Variants in DGKB observed in about 807,000 individuals in gnomAD.
DGKB encodes diacylglycerol kinase beta.
In DGKB, 67 loss-of-function variants were observed where a neutral mutation model predicts 114.3. The observed-to-expected ratio is 0.59, with a 90% confidence interval of 0.48 to 0.72. The LOEUF (loss-of-function observed/expected upper bound fraction) is 0.72, where lower values mean the gene tolerates loss of function less well. Ranked by LOEUF, DGKB falls within the 30% of genes least tolerant of loss-of-function variation. The probability of loss-of-function intolerance (pLI) is 0.00; values close to 1 mark genes in which losing one functional copy is unlikely to be tolerated. For synonymous variants in DGKB, 398 were observed against 323.1 expected, an observed-to-expected ratio of 1.23 and a Z score of -2.49; for missense variants, 907 against 975.2, an observed-to-expected ratio of 0.93 and a Z score of 0.93.
At chr7:14,344,764 G>T in intron 22 of DGKB, among the ~76,000 whole-genome samples, 1 of 148,508 alleles carries the variant, frequency 6.7e-6, no homozygotes. Flanking sequence ...GTCTTTTCTT[G>T]CTATCTTTGC....
chr7:14,166,961 C>T (rs1784695989), intron 25 of DGKB, among the ~76,000 whole-genome samples: 1 of 152,036 alleles, frequency 6.6e-6, no homozygotes, highest in Non-Finnish European at 1.5e-5. Flanking sequence ...GGTAATCCTA[C>T]CACTTTGGGA....
chr7:14,229,982 C>G (rs1266170854), intron 23 of DGKB, among the ~76,000 whole-genome samples: 1 of 151,902 alleles, frequency 6.6e-6, no homozygotes, highest in Non-Finnish European at 1.5e-5. Flanking sequence ...AAAGGTAAAA[C>G]TGCTTTATAG....
chr7:14,649,473 C>G (rs970029645), intron 13 of DGKB, among the ~76,000 whole-genome samples: 3 of 151,624 alleles, frequency 2.0e-5, no homozygotes, highest in African/African-American at 7.3e-5. Flanking sequence ...CCAGGCCTGC[C>G]TTACAAGAGC....
At chr7:14,678,402 G>C (rs983439515) in intron 12 of DGKB, among the ~76,000 whole-genome samples, 1 of 152,012 alleles carries the variant, frequency 6.6e-6, no homozygotes, top group Non-Finnish European at 1.5e-5. Context: ...AACCTAACTT[G>C]TTTCCTAAGG....
chr7:14,852,918 T>C (rs1021739720), intron 1 of DGKB, among the ~76,000 whole-genome samples: 3 of 152,184 alleles, frequency 2.0e-5, no homozygotes, highest in Non-Finnish European at 4.4e-5. Flanking sequence ...ATATAATACA[T>C]ATTCTGACTT....
chr7:14,370,109 G>C (rs982459748), intron 21 of DGKB, among the ~76,000 whole-genome samples: 1 of 152,114 alleles, frequency 6.6e-6, no homozygotes, highest in Non-Finnish European at 1.5e-5. Context: ...AATCCATCTT[G>C]AGTTAATTTT....
chr7:14,224,535 T>C (rs1384609945), intron 23 of DGKB, among the ~76,000 whole-genome samples: 1 of 152,014 alleles, frequency 6.6e-6, no homozygotes, highest in Non-Finnish European at 1.5e-5. Flanking sequence ...CCCTTGTGTA[T>C]GGGTCAGATT....
At chr7:14,658,400 A>G (rs568393960) in intron 13 of DGKB, among the ~76,000 whole-genome samples, 2 of 152,096 alleles carry the variant, frequency 1.3e-5, no homozygotes, top group East Asian at 3.9e-4. Context: ...AATGATGGTT[A>G]TCAGAGGATG....
intron 1 of DGKB, among the ~76,000 whole-genome samples, chr7:14,847,532 A>T (rs961936581): frequency 8.5e-5 from 13 of 152,128 alleles, no homozygotes; most frequent in Non-Finnish European, 1.6e-4. Context: ...TAAATTTGAG[A>T]CCCAATGAAT....
At chr7:14,739,863 A>T (rs764312478) in intron 4 of DGKB, among the ~76,000 whole-genome samples, 1 of 152,104 alleles carries the variant, frequency 6.6e-6, no homozygotes, top group Non-Finnish European at 1.5e-5. Context: ...TTACAATATC[A>T]GGAGTGTTCC....
At chr7:14,174,103 G>A (rs1409232271) in intron 25 of DGKB, among the ~76,000 whole-genome samples, 1 of 152,144 alleles carries the variant, frequency 6.6e-6, no homozygotes, top group East Asian at 1.9e-4. Flanking sequence ...TAGTCAGGGA[G>A]AAAGGTAGTC....
At position 14,672,938 on chromosome 7, in the gene DGKB, T is replaced by C. The variant is rs1184349603; in HGVS notation, c.1125A>G (p.Pro375=). 2 of 1,562,892 alleles carry C rather than the reference T, an allele frequency of 1.3e-6. No individual in the cohort carries two copies. Among genetic ancestry groups the C allele is most frequent in the Non-Finnish European group, 1.7e-6 (2 of 1,150,444 alleles). Residue 375 remains proline (P), a synonymous_variant, in exon 13 of 26, where the codon CCA becomes CCG. Coordinates refer to ENST00000402815, the MANE Select transcript of DGKB (RefSeq NM_001350709.2). ...ATAAGGAAAAACTCACCAGTACCAC[T>C]GGACAGATTGTTGTGGGTGGTAAAA... is the stretch of plus-strand genomic sequence containing the variant. ...DHILPPTTIC[P]VVLTLPTSGV...
intron 7 of DGKB, among the ~76,000 whole-genome samples, chr7:14,699,904 A>T (rs1824808631): frequency 6.8e-6 from 1 of 148,080 alleles, no homozygotes; most frequent in South Asian, 2.1e-4. Context: ...GGCAGAGACA[A>T]AAAAAAAAAG....
At chr7:14,887,747 A>C (rs1780541464) in intron 1 of DGKB, among the ~76,000 whole-genome samples, 1 of 151,856 alleles carries the variant, frequency 6.6e-6, no homozygotes, top group Admixed American at 6.6e-5. Flanking sequence ...ACATATATAT[A>C]AAATTGTATC....
intron 21 of DGKB, among the ~76,000 whole-genome samples, chr7:14,410,042 T>G (rs1212255051): frequency 6.6e-6 from 1 of 152,030 alleles, no homozygotes; most frequent in Admixed American, 6.6e-5. Context: ...AAGATAGATT[T>G]TTGACTGTGT....
intron 17 of DGKB, among the ~76,000 whole-genome samples, chr7:14,597,146 T>C (rs182881463): frequency 1.3e-5 from 2 of 152,024 alleles, no homozygotes; most frequent in Admixed American, 6.6e-5. Context: ...AGGCGGAGCT[T>C]GCAGTGAGCC....
At chr7:14,851,620 T>G (rs981591184) in intron 1 of DGKB, among the ~76,000 whole-genome samples, 1 of 152,170 alleles carries the variant, frequency 6.6e-6, no homozygotes, top group Admixed American at 6.5e-5. Flanking sequence ...CTTCTCCCCT[T>G]GCACTTAATA....
At chr7:14,757,546 A>T in intron 3 of DGKB, 109 bp downstream of exon 3, 1 of 623,626 alleles carries the variant, frequency 1.6e-6, no homozygotes, top group South Asian at 2.0e-5. Context: ...GTATATGTGT[A>T]CATATACATA....
intron 13 of DGKB, among the ~76,000 whole-genome samples, chr7:14,638,810 G>A (rs1208647068): frequency 6.6e-6 from 1 of 152,152 alleles, no homozygotes; most frequent in Non-Finnish European, 1.5e-5. Context: ...GGGAGGCTGA[G>A]GCAAGTGGAT....
Sources: allele counts gnomAD v4.1 joint callset (sites outside exome capture counted in the v4.1 genomes callset), GRCh38; gene constraint gnomAD v4.1.1; transcripts MANE v1.5; gene names NCBI Gene and HGNC (gene_info 2026-07-23, HGNC 2026-07-21).